Variants in PPP1R13B observed in about 807,000 individuals in gnomAD.
PPP1R13B encodes apoptosis-stimulating of p53 protein 1.
Under a neutral mutation model 119.8 loss-of-function variants are expected in PPP1R13B, and 44 were observed. That is an observed-to-expected ratio of 0.37 (90% CI 0.29 to 0.47). The LOEUF is 0.47. Among genes scored for constraint, PPP1R13B ranks in the 20% least tolerant of loss-of-function variants. The pLI, the probability that PPP1R13B is intolerant of heterozygous loss-of-function variation, is 0.99. For synonymous variants in PPP1R13B, 542 were observed against 561.5 expected (o/e 0.97, Z 0.49); for missense variants, 1,227 against 1,413.5 (o/e 0.87, Z 2.12).
chr14:103,737,588 A>C, intron 15 of PPP1R13B, 106 bp downstream of exon 15: 10 of 1,392,102 alleles, frequency 7.2e-6, no homozygotes, highest in Non-Finnish European at 8.7e-6. Context: ...GTCTTAAAAA[A>C]AACAAACAGA....
intron 4 of PPP1R13B, among the ~76,000 whole-genome samples, chr14:103,772,963 G>C (rs374838108): frequency 7.9e-5 from 12 of 152,046 alleles, no homozygotes; most frequent in Non-Finnish European, 1.6e-4. Flanking sequence ...CATTGAGCTC[G>C]GCCTATTTCT....
At position 103,735,042 on chromosome 14, in the gene PPP1R13B, G is replaced by T; in HGVS notation, c.*112C>A. On this transcript the variant is annotated 3_prime_UTR_variant, in exon 17 of 17. Coordinates refer to ENST00000202556, the MANE Select transcript of PPP1R13B (RefSeq NM_015316.3). ...CACATTGTGGACGCTGTCTGCTAAA[G>T]TGAGCACCATTAAGACCATTTTCTA... is the stretch of plus-strand genomic sequence containing the variant. The T allele has an allele frequency of 8.4e-7, 1 of 1,194,136 alleles. No homozygotes were observed. The highest frequency in any genetic ancestry group is 1.2e-6 in the Non-Finnish European group (1 of 807,210). 74.0% of individuals were successfully genotyped at this position (1,194,136 alleles called of 1,614,324 possible). A position where few individuals can be genotyped will look rare whatever the true frequency, so the allele number is the denominator to read the frequency against.
chr14:103,764,537 A>G, intron 4 of PPP1R13B: 1 of 305,094 alleles, frequency 3.3e-6, no homozygotes, highest in South Asian at 2.7e-5. Flanking sequence ...TACATCCACA[A>G]TGTTAATTAT....
chr14:103,768,200 C>T (rs1477255527), intron 4 of PPP1R13B, among the ~76,000 whole-genome samples: 4 of 151,830 alleles, frequency 2.6e-5, no homozygotes, highest in Non-Finnish European at 4.4e-5. Context: ...CTGCAACCTC[C>T]GCCCCCCGGG....
At chr14:103,818,462 T>C (rs2086329478) in intron 1 of PPP1R13B, 5 of 970,214 alleles carry the variant, frequency 5.2e-6, no homozygotes, top group Non-Finnish European at 6.1e-6. Context: ...AATTTCTCAA[T>C]GTTAATATTG....
intron 15 of PPP1R13B, chr14:103,737,005 T>C (rs534665322): frequency 6.6e-6 from 1 of 152,494 alleles, no homozygotes; most frequent in East Asian, 1.9e-4. Flanking sequence ...AATTAGGACA[T>C]GAGCCTCATT....
intron 4 of PPP1R13B, among the ~76,000 whole-genome samples, chr14:103,769,332 C>T (rs2085011205): frequency 6.6e-6 from 1 of 152,100 alleles, no homozygotes; most frequent in Non-Finnish European, 1.5e-5. Flanking sequence ...CTCAAGTGAT[C>T]TGCCCGCCTC....
At chr14:103,832,679 C>T (rs1442824731) in intron 1 of PPP1R13B, among the ~76,000 whole-genome samples, 4 of 152,184 alleles carry the variant, frequency 2.6e-5, no homozygotes, top group African/African-American at 9.6e-5. Flanking sequence ...GATCCATCAG[C>T]TGGGCATGGT....
intron 9 of PPP1R13B, among the ~76,000 whole-genome samples, chr14:103,745,713 G>A (rs777807560): frequency 6.6e-6 from 1 of 152,238 alleles, no homozygotes. Flanking sequence ...GGCTGTAGCC[G>A]AGTTGTGGTG....
At chr14:103,787,529 A>C (rs541705865) in intron 2 of PPP1R13B, among the ~76,000 whole-genome samples, 6 of 149,494 alleles carry the variant, frequency 4.0e-5, no homozygotes, top group African/African-American at 1.2e-4. Context: ...AAAAAAAAAA[A>C]CCCTAGGGAC....
chr14:103,754,040 T>A, intron 6 of PPP1R13B, 30 bp downstream of exon 6: 1 of 1,602,310 alleles, frequency 6.2e-7, no homozygotes, highest in Non-Finnish European at 8.5e-7. Flanking sequence ...CTGGTGAGAG[T>A]GGTGTCGAGG....
intron 4 of PPP1R13B, among the ~76,000 whole-genome samples, chr14:103,768,096 G>A (rs943209541): frequency 1.1e-4 from 17 of 149,166 alleles, no homozygotes; most frequent in African/African-American, 2.7e-4. Context: ...CTAAGCCTCC[G>A]TGGTAGTCAC....
intron 4 of PPP1R13B, among the ~76,000 whole-genome samples, chr14:103,770,746 A>T (rs1428056394): frequency 6.6e-6 from 1 of 152,196 alleles, no homozygotes; most frequent in East Asian, 1.9e-4. Flanking sequence ...CACTCCTGGT[A>T]ACAACACCTA....
At chr14:103,829,784 T>G (rs1265402165) in intron 1 of PPP1R13B, among the ~76,000 whole-genome samples, 2 of 152,104 alleles carry the variant, frequency 1.3e-5, no homozygotes, top group African/African-American at 4.8e-5. Context: ...CTAAATATTT[T>G]ACTATTTTTT....
Position 103,740,009 on chromosome 14 carries a change from C to A in PPP1R13B, c.2407G>T (p.Glu803Ter). 6.2e-7 allele frequency: 1 copy of A among 1,614,060 alleles called. No individual in the cohort carries two copies. Among genetic ancestry groups the A allele is most frequent in the Non-Finnish European group, 8.5e-7 (1 of 1,180,012 alleles). The change falls in exon 12 of 17, where the codon GAG becomes TAG. Residue 803 changes from glutamate (E) to a stop codon, truncating the protein, a stop_gained. Coordinates refer to ENST00000202556, the MANE Select transcript of PPP1R13B (RefSeq NM_015316.3). LOFTEE classifies it high-confidence loss of function. This position sits in a 1 kb window ranked among gnomAD's most constrained non-coding sequence, Gnocchi z 4.6. ...TGGGTGGTTTGGGGACAGATGAGCT[C>A]CTCTGGTTCGGGGGAAGGTAACTCA... The part of the protein sequence containing the change: ...DNELPSPEPE[E>*]LICPQTTHQT...
intron 1 of PPP1R13B, among the ~76,000 whole-genome samples, chr14:103,838,098 G>A (rs916573675): frequency 4.6e-5 from 7 of 152,074 alleles, no homozygotes; most frequent in African/African-American, 1.7e-4. Flanking sequence ...CAGCCTGGGC[G>A]ACAGAGTGAG....
intron 4 of PPP1R13B, among the ~76,000 whole-genome samples, chr14:103,766,866 C>A (rs1018137981): frequency 6.6e-6 from 1 of 152,252 alleles, no homozygotes; most frequent in African/African-American, 2.4e-5. Flanking sequence ...AAAAAATGAT[C>A]AAACATCAAC....
chr14:103,756,155 C>T (rs992871437), intron 5 of PPP1R13B, among the ~76,000 whole-genome samples: 4 of 151,562 alleles, frequency 2.6e-5, no homozygotes, highest in Non-Finnish European at 5.9e-5. Context: ...AGTGCAATGG[C>T]GCGATCTCAG....
intron 4 of PPP1R13B, among the ~76,000 whole-genome samples, chr14:103,766,237 T>C (rs2084936662): frequency 6.6e-6 from 1 of 152,132 alleles, no homozygotes; most frequent in South Asian, 2.1e-4. Context: ...CTTGATCTCC[T>C]GACCTCATGA....
Sources: allele counts gnomAD v4.1 joint callset (sites outside exome capture counted in the v4.1 genomes callset), GRCh38; gene constraint gnomAD v4.1.1; non-coding constraint Gnocchi (gnomAD v3.1); transcripts MANE v1.5; gene names NCBI Gene and HGNC (gene_info 2026-07-23, HGNC 2026-07-21).